UVRAG: variants seen among roughly 807,000 people sequenced by gnomAD.
UVRAG encodes UV radiation resistance-associated gene protein.
UVRAG carries 19 observed loss-of-function variants against 78.0 expected under a neutral mutation model. The ratio of observed to expected loss-of-function variants is 0.24; its 90% confidence interval spans 0.17 to 0.36. The LOEUF is 0.36. Ranked by LOEUF, UVRAG falls within the 10% of genes least tolerant of loss-of-function variation. The probability of loss-of-function intolerance (pLI) is 1.00; values close to 1 mark genes in which losing one functional copy is unlikely to be tolerated. For missense variants in UVRAG, 740 were observed against 853.8 expected (o/e 0.87, Z 1.66); for synonymous variants, 323 against 324.6 (o/e 1.00, Z 0.05).
chr11:75,843,681 C>T (rs545798838), intron 1 of UVRAG, among the ~76,000 whole-genome samples: 108 of 152,130 alleles, frequency 7.1e-4, no homozygotes, highest in African/African-American at 2.3e-3. Flanking sequence ...AACTCATGGC[C>T]GGCTCAGTGG....
intron 6 of UVRAG, among the ~76,000 whole-genome samples, chr11:75,927,841 C>T (rs1435828209): frequency 6.6e-6 from 1 of 152,110 alleles, no homozygotes; most frequent in Non-Finnish European, 1.5e-5. Context: ...TTGGCAAGGC[C>T]AGAATCATGT....
At chr11:75,871,582 A>G (rs974669013) in intron 3 of UVRAG, among the ~76,000 whole-genome samples, 1 of 152,108 alleles carries the variant, frequency 6.6e-6, no homozygotes, top group Admixed American at 6.5e-5. Flanking sequence ...CCGCGCCCGG[A>G]CTGCATCTGC....
chr11:75,848,508 T>A (rs1946083315), intron 1 of UVRAG, among the ~76,000 whole-genome samples: 1 of 152,226 alleles, frequency 6.6e-6, no homozygotes. Flanking sequence ...GAAGGTATCT[T>A]GGAGGTGGTC....
At position 76,080,894 on chromosome 11, in the gene UVRAG, C is replaced by T. The variant is rs956190618; in HGVS notation, c.1305+15106C>T. 2.6e-5 allele frequency among the ~76,000 whole-genome samples: 4 copies of T among 152,222 alleles called. No individual in the cohort carries two copies. In the East Asian group the frequency reaches 7.7e-4, roughly 29 times the overall value. ...GACAGACATGGATTCACTTCCTGATCAGTGTTGCCACTTGATAACTGTGGC... is the reference window on the plus strand; with the variant it reads ...GACAGACATGGATTCACTTCCTGATTAGTGTTGCCACTTGATAACTGTGGC... On this transcript the variant is annotated intron_variant, in intron 13 of 14. Coordinates refer to ENST00000356136, the MANE Select transcript of UVRAG (RefSeq NM_003369.4).
chr11:75,985,178 T>A (rs1443767949), intron 8 of UVRAG, among the ~76,000 whole-genome samples: 1 of 151,500 alleles, frequency 6.6e-6, no homozygotes, highest in Non-Finnish European at 1.5e-5. Flanking sequence ...TTGTATATTT[T>A]GTATTTATCG....
At chr11:76,058,200 G>C (rs1007764782) in intron 12 of UVRAG, among the ~76,000 whole-genome samples, 3 of 152,024 alleles carry the variant, frequency 2.0e-5, no homozygotes, top group African/African-American at 7.2e-5. Context: ...TTGTAGGGGG[G>C]ACTTTGGGAA....
At chr11:75,942,109 A>C (rs1211282842) in intron 6 of UVRAG, 2 of 152,258 alleles carry the variant, frequency 1.3e-5, no homozygotes, top group Non-Finnish European at 2.9e-5. Context: ...AAAATAGTTA[A>C]GGGAAAAAAT....
chr11:75,886,888 G>A (rs1947089649), intron 4 of UVRAG, among the ~76,000 whole-genome samples: 1 of 150,486 alleles, frequency 6.6e-6, no homozygotes, highest in Admixed American at 6.6e-5. Context: ...TTCTGATGAA[G>A]TAACTAAAGC....
chr11:76,062,843 A>C (rs1467748740), intron 12 of UVRAG, among the ~76,000 whole-genome samples: 1 of 152,214 alleles, frequency 6.6e-6, no homozygotes, highest in African/African-American at 2.4e-5. Context: ...CTCTAGAAAC[A>C]TAACCTTTAA....
intron 7 of UVRAG, 86 bp downstream of exon 7, chr11:75,961,635 C>A: frequency 3.9e-6 from 4 of 1,017,942 alleles, no homozygotes; most frequent in Non-Finnish European, 5.6e-6. Context: ...TTAAAAAACG[C>A]TTTAGATCGT....
chr11:75,976,818 G>A (rs1008014963), intron 7 of UVRAG, among the ~76,000 whole-genome samples: 15 of 152,038 alleles, frequency 9.9e-5, no homozygotes, highest in Non-Finnish European at 1.9e-4. Context: ...CAAAAAACCA[G>A]CTCCTGGATT....
rs547344802 is a variant in UVRAG, at chr11:75,883,255, G to A, written c.432+3215G>A. Among the ~76,000 whole-genome samples, 3 of 151,818 alleles carry A rather than the reference G, an allele frequency of 2.0e-5. No individual in the cohort carries two copies. The South Asian group carries it at 6.2e-4, about 32-fold the overall frequency. ...TGTTTTTCAAGTCACACTTTCCTTCGGTGGTGGTCTTGTTGCCATACCCAG... is the reference window on the plus strand; with the variant it reads ...TGTTTTTCAAGTCACACTTTCCTTCAGTGGTGGTCTTGTTGCCATACCCAG... On this transcript the variant is annotated intron_variant, in intron 4 of 14. Transcript: ENST00000356136.
intron 6 of UVRAG, among the ~76,000 whole-genome samples, chr11:75,960,865 C>G (rs1351499286): frequency 6.6e-6 from 1 of 152,116 alleles, no homozygotes; most frequent in South Asian, 2.1e-4. Context: ...TTCATTGTTC[C>G]TTGAAAGAGA....
chr11:76,072,610 T>A (rs1301734127), intron 13 of UVRAG, among the ~76,000 whole-genome samples: 1 of 152,154 alleles, frequency 6.6e-6, no homozygotes, highest in Admixed American at 6.5e-5. Flanking sequence ...ATGATATAAA[T>A]GTATAGTTCT....
chr11:76,083,858 A>C (rs1312975228), intron 13 of UVRAG, among the ~76,000 whole-genome samples: 3 of 152,232 alleles, frequency 2.0e-5, no homozygotes, highest in African/African-American at 7.2e-5. Context: ...ACATCACTTC[A>C]TGTTATTCAG....
chr11:76,021,125 G>A (rs1034750393), intron 12 of UVRAG, among the ~76,000 whole-genome samples: 1 of 152,172 alleles, frequency 6.6e-6, no homozygotes, highest in African/African-American at 2.4e-5. Context: ...ATTCAAGTCT[G>A]TCTTTCCTAC....
chr11:75,995,062 G>A (rs1949679337), intron 8 of UVRAG, among the ~76,000 whole-genome samples: 1 of 152,144 alleles, frequency 6.6e-6, no homozygotes, highest in Non-Finnish European at 1.5e-5. Flanking sequence ...GGTTATCTCA[G>A]AAAGGTAGGA....
At chr11:75,974,742 A>C (rs944351975) in intron 7 of UVRAG, among the ~76,000 whole-genome samples, 89 of 152,008 alleles carry the variant, frequency 5.9e-4, no homozygotes, top group Admixed American at 1.5e-3. Flanking sequence ...TTTTCTTGTA[A>C]ATTTGTTTAA....
intron 5 of UVRAG, among the ~76,000 whole-genome samples, chr11:75,892,025 C>A (rs1168850759): frequency 2.0e-5 from 3 of 152,180 alleles, no homozygotes; most frequent in African/African-American, 7.2e-5. Context: ...AAAGAGTTTG[C>A]TGTGACTAAA....
Sources: gnomAD v4.1 joint callset for allele counts (sites outside exome capture counted in the v4.1 genomes callset) on GRCh38, gnomAD v4.1.1 for gene constraint, MANE v1.5 for transcripts, NCBI Gene and HGNC (gene_info 2026-07-23, HGNC 2026-07-21) for gene names.